Variants in LDLRAD3 observed in about 807,000 individuals in gnomAD.
LDLRAD3 encodes low density lipoprotein receptor class A domain containing 3.
A neutral mutation model predicts 29.4 loss-of-function variants in LDLRAD3; 20 were observed. That is an observed-to-expected ratio of 0.68 (90% CI 0.48 to 0.99). The LOEUF is 0.99. Among genes scored for constraint, LDLRAD3 ranks in the 50% least tolerant of loss-of-function variants. The probability of loss-of-function intolerance (pLI) is 0.00; values close to 1 mark genes in which losing one functional copy is unlikely to be tolerated. For missense variants in LDLRAD3, 420 were observed against 454.3 expected, an observed-to-expected ratio of 0.92 and a Z score of 0.69; for synonymous variants, 157 against 192.7, an observed-to-expected ratio of 0.81 and a Z score of 1.53.
chr11:36,204,719 C>A (rs1162102767), intron 4 of LDLRAD3, among the ~76,000 whole-genome samples: 1 of 152,186 alleles, frequency 6.6e-6, no homozygotes, highest in Admixed American at 6.5e-5. Context: ...GAACTCCTGA[C>A]TTCAGGTAAT....
At chr11:36,149,782 G>A (rs1854250333) in intron 4 of LDLRAD3, among the ~76,000 whole-genome samples, 2 of 152,290 alleles carry the variant, frequency 1.3e-5, no homozygotes, top group South Asian at 4.1e-4. Flanking sequence ...AAGTGCTGGG[G>A]CAGGTGCATC....
intron 1 of LDLRAD3, among the ~76,000 whole-genome samples, chr11:35,999,686 G>A (rs1851799214): frequency 6.6e-6 from 1 of 152,216 alleles, no homozygotes; most frequent in Admixed American, 6.5e-5. Flanking sequence ...AGGGAGGGGT[G>A]TATCACCTCT....
At chr11:36,148,111 C>A (rs1467186295) in intron 4 of LDLRAD3, among the ~76,000 whole-genome samples, 1 of 152,174 alleles carries the variant, frequency 6.6e-6, no homozygotes, top group East Asian at 1.9e-4. Flanking sequence ...CCTCAGTGAT[C>A]TGCCCACCTC....
At position 36,202,232 on chromosome 11, in the gene LDLRAD3, G is replaced by A. The variant is rs140272489; in HGVS notation, c.455-24853G>A. On this transcript the variant is annotated intron_variant, in intron 4 of 5. Coordinates refer to ENST00000315571, the MANE Select transcript of LDLRAD3 (RefSeq NM_174902.4). ...AATTTTTGTATTTTTAGTAGAGAAG[G>A]CTACTATGTTGGCCATGCTGGTCTC... 5.3e-4 allele frequency among the ~76,000 whole-genome samples: 81 copies of A among 152,086 alleles called. 1 individual carries two copies. The East Asian group carries it at 0.014, about 26-fold the overall frequency.
chr11:36,020,320 A>G (rs1852080446), intron 1 of LDLRAD3, among the ~76,000 whole-genome samples: 1 of 152,166 alleles, frequency 6.6e-6, no homozygotes, highest in Admixed American at 6.5e-5. Flanking sequence ...GCCCGCTCCT[A>G]CCTTTTAAAA....
rs187522508 is a variant in LDLRAD3, at chr11:36,044,557, C to G, written c.193+8308C>G. ...TTCCCACGCCCGGTCTTTTCTTGCT[C>G]TTAGTTTGAGAGCCTGTGCCACAGA... On this transcript the variant is annotated intron_variant, in intron 2 of 5. Coordinates refer to ENST00000315571, the MANE Select transcript of LDLRAD3 (RefSeq NM_174902.4). 1.5e-3 allele frequency among the ~76,000 whole-genome samples: 234 copies of G among 152,348 alleles called. 1 individual carries two copies. The highest frequency in any genetic ancestry group is 5.2e-3 in the African/African-American group (217 of 41,580).
rs559591967 is a variant in LDLRAD3 at position 36,116,484 on chromosome 11, A to C, written c.454+18023A>C. On this transcript the variant is annotated intron_variant, in intron 4 of 5. Coordinates refer to ENST00000315571, the MANE Select transcript of LDLRAD3 (RefSeq NM_174902.4). Reference sequence around the variant, plus strand: ...GCTTCTATTGTCTAAAGTGCCCACTATAATAACTCCCCCAATTGTGTTCAG... The same window carrying C: ...GCTTCTATTGTCTAAAGTGCCCACTCTAATAACTCCCCCAATTGTGTTCAG... Among the ~76,000 whole-genome samples the C allele has an allele frequency of 5.9e-5, 9 of 152,236 alleles. 1 individual carries two copies. Among genetic ancestry groups the C allele is most frequent in the East Asian group, 1.9e-4 (1 of 5,180 alleles).
intron 1 of LDLRAD3, among the ~76,000 whole-genome samples, chr11:36,002,373 C>T (rs1299374299): frequency 6.6e-6 from 1 of 152,218 alleles, no homozygotes; most frequent in African/African-American, 2.4e-5. Context: ...GCCTGGAGCT[C>T]ACTGCTTTGT....
At chr11:36,109,083 G>T (rs1240034352) in intron 4 of LDLRAD3, among the ~76,000 whole-genome samples, 1 of 152,194 alleles carries the variant, frequency 6.6e-6, no homozygotes, top group Non-Finnish European at 1.5e-5. Flanking sequence ...GCAGATGGAG[G>T]ATTTTGCTAA....
intron 4 of LDLRAD3, among the ~76,000 whole-genome samples, chr11:36,141,033 T>TCTCTCTCTCTCTCTCTCC (rs1347613872): frequency 6.8e-6 from 1 of 146,966 alleles, no homozygotes. Context: ...TCTCTCTCTC[T>TCTCTCTCTCTCTCTCTCC]CTCCGTGTGG....
chr11:36,029,506 C>T (rs901759274), intron 1 of LDLRAD3, among the ~76,000 whole-genome samples: 2 of 152,022 alleles, frequency 1.3e-5, no homozygotes, highest in African/African-American at 2.4e-5. Flanking sequence ...TCACAAAGGC[C>T]GTATCCCGAT....
chr11:35,985,493 G>A (rs897371397), intron 1 of LDLRAD3, among the ~76,000 whole-genome samples: 1 of 152,104 alleles, frequency 6.6e-6, no homozygotes, highest in Non-Finnish European at 1.5e-5. Flanking sequence ...CTGGGCTCTA[G>A]TCAGTCTCTT....
chr11:36,135,261 GAA>G (rs1853987425), intron 4 of LDLRAD3, among the ~76,000 whole-genome samples: 1 of 152,192 alleles, frequency 6.6e-6, no homozygotes, highest in South Asian at 2.1e-4. Context: ...AAATGTCTGG[GAA>G]AAGTCGTGCC....
intron 4 of LDLRAD3, among the ~76,000 whole-genome samples, chr11:36,169,332 TATA>T (rs1854562497): frequency 6.6e-6 from 1 of 152,214 alleles, no homozygotes; most frequent in South Asian, 2.1e-4. Flanking sequence ...TTTTGAAATA[TATA>T]ATTATTGTTA....
chr11:36,130,689 A>G lies in LDLRAD3; in HGVS notation c.454+32228A>G, dbSNP rs151140967. On this transcript the variant is annotated intron_variant, in intron 4 of 5. Transcript: ENST00000315571. Reference sequence around the variant, plus strand: ...GTCATTCAGGCTTCATCAAGGCACTATGTTAATGTTAGGTCCTTCTTACAG... The same window carrying G: ...GTCATTCAGGCTTCATCAAGGCACTGTGTTAATGTTAGGTCCTTCTTACAG... 1.2e-4 allele frequency among the ~76,000 whole-genome samples: 19 copies of G among 152,300 alleles called. No individual in the cohort carries two copies. The East Asian group carries it at 3.5e-3, about 28-fold the overall frequency.
chr11:36,077,944 A>G (rs1853043032), intron 2 of LDLRAD3, among the ~76,000 whole-genome samples: 1 of 152,162 alleles, frequency 6.6e-6, no homozygotes, highest in Admixed American at 6.5e-5. Context: ...TACGCAGACA[A>G]GTGGAGGGTG....
intron 1 of LDLRAD3, among the ~76,000 whole-genome samples, chr11:35,975,975 GAT>G (rs1046579873): frequency 4.6e-5 from 7 of 152,082 alleles, no homozygotes; most frequent in Non-Finnish European, 7.4e-5. Context: ...TCATATAGAA[GAT>G]ACCCTGGGCA....
At chr11:36,146,224 C>T (rs1301726769) in intron 4 of LDLRAD3, among the ~76,000 whole-genome samples, 1 of 152,210 alleles carries the variant, frequency 6.6e-6, no homozygotes, top group Non-Finnish European at 1.5e-5. Context: ...TCACCCTGTG[C>T]ACTTACCTCC....
intron 3 of LDLRAD3, among the ~76,000 whole-genome samples, chr11:36,095,533 A>G (rs1052624166): frequency 6.6e-5 from 10 of 151,912 alleles, no homozygotes; most frequent in African/African-American, 1.2e-4. Context: ...AGAGTTCTTT[A>G]TATATTCTTG....
Sources: gnomAD v4.1 joint callset for allele counts (sites outside exome capture counted in the v4.1 genomes callset) on GRCh38, gnomAD v4.1.1 for gene constraint, MANE v1.5 for transcripts, NCBI Gene and HGNC (gene_info 2026-07-23, HGNC 2026-07-21) for gene names.